The following DOCK1 variants were observed in gnomAD, a reference collection of about 807,000 sequenced individuals.
The protein encoded by DOCK1 is dedicator of cytokinesis 1, also known as dedicator of cytokinesis protein 1.
In DOCK1, 138 loss-of-function variants were observed where a neutral mutation model predicts 262.7. That is an observed-to-expected ratio of 0.53 (90% CI 0.46 to 0.61). DOCK1 has a LOEUF of 0.61. Among genes scored for constraint, DOCK1 ranks in the 20% least tolerant of loss-of-function variants. The pLI, the probability that DOCK1 is intolerant of heterozygous loss-of-function variation, is 0.00. For missense variants in DOCK1, 1,908 were observed against 2,370.7 expected, an observed-to-expected ratio of 0.80 and a Z score of 4.05; for synonymous variants, 866 against 867.4, an observed-to-expected ratio of 1.00 and a Z score of 0.03.
At chr10:127,105,073 G>T (rs1406345629) in intron 23 of DOCK1, among the ~76,000 whole-genome samples, 3 of 152,164 alleles carry the variant, frequency 2.0e-5, no homozygotes, top group African/African-American at 7.2e-5. Flanking sequence ...TCTCATGATG[G>T]TGAATAAGCC....
intron 27 of DOCK1, among the ~76,000 whole-genome samples, chr10:127,225,006 G>A (rs1029515648): frequency 1.3e-5 from 2 of 152,208 alleles, no homozygotes; most frequent in Non-Finnish European, 2.9e-5. Flanking sequence ...TGTTGGGTAA[G>A]TTGCTACCCA....
At chr10:127,071,349 A>G (rs1378713677) in intron 23 of DOCK1, among the ~76,000 whole-genome samples, 1 of 152,174 alleles carries the variant, frequency 6.6e-6, no homozygotes, top group East Asian at 1.9e-4. Flanking sequence ...CTGGATAAAT[A>G]CACTTGTTTC....
At chr10:127,036,981 G>GAAAAAAAAAAAA (rs11429952) in intron 18 of DOCK1, among the ~76,000 whole-genome samples, 3 of 128,036 alleles carry the variant, frequency 2.3e-5, no homozygotes, top group African/African-American at 5.7e-5. Context: ...CCATCTCAAG[G>GAAAAAAAAAAAA]AAAAAAAAAA....
chr10:127,006,448 A>C (rs2041028939), intron 10 of DOCK1, among the ~76,000 whole-genome samples: 1 of 152,108 alleles, frequency 6.6e-6, no homozygotes, highest in Non-Finnish European at 1.5e-5. Flanking sequence ...TCTTCCCTGA[A>C]TGTAGAGACC....
intron 23 of DOCK1, among the ~76,000 whole-genome samples, chr10:127,076,165 A>C (rs747625484): frequency 3.3e-5 from 5 of 152,196 alleles, no homozygotes; most frequent in Non-Finnish European, 5.9e-5. Context: ...CCTGACAGCA[A>C]GTGACACCAA....
chr10:126,960,320 G>C (rs891756975), intron 1 of DOCK1, among the ~76,000 whole-genome samples: 4 of 151,948 alleles, frequency 2.6e-5, no homozygotes, highest in Non-Finnish European at 5.9e-5. Flanking sequence ...TATTGTAGTG[G>C]GGGCATGGCA....
At chr10:127,292,603 G>T (rs111541555) in intron 29 of DOCK1, among the ~76,000 whole-genome samples, 3,867 of 152,224 alleles carry the variant, frequency 0.025, 156 homozygotes, top group African/African-American at 0.085. Context: ...CAAATTGCAG[G>T]TGTGATCATT....
rs569381268 is a variant in DOCK1 at position 127,089,444 on chromosome 10, T to C, written c.2446-16787T>C. Among the ~76,000 whole-genome samples the C allele has an allele frequency of 7.9e-5, 12 of 152,260 alleles. 1 individual carries two copies. The South Asian group carries it at 2.5e-3, about 32-fold the overall frequency. Reference sequence around the variant, plus strand: ...CTTGGCTTCTCCTGTGCACCCACTTTGTTTCCTTCCATTCTGCTGTTCACT... The same window carrying C: ...CTTGGCTTCTCCTGTGCACCCACTTCGTTTCCTTCCATTCTGCTGTTCACT... On this transcript the variant is annotated intron_variant, in intron 23 of 51. Transcript: ENST00000623213.
rs550548008 is a variant in DOCK1, at chr10:127,261,169, G to A, written c.3044+3740G>A. Reference sequence around the variant, plus strand: ...TGTGTACCCGTGCTCATCTGTGTGTGTCCCTGCATGTGTGTGCATGCGGGT... The same window carrying A: ...TGTGTACCCGTGCTCATCTGTGTGTATCCCTGCATGTGTGTGCATGCGGGT... On this transcript the variant is annotated intron_variant, in intron 29 of 51. Transcript: ENST00000623213. 1.2e-3 allele frequency among the ~76,000 whole-genome samples: 170 copies of A among 145,108 alleles called. 4 individuals are homozygous for A. The highest frequency in any genetic ancestry group is 4.1e-3 in the African/African-American group (154 of 37,632).
intron 29 of DOCK1, among the ~76,000 whole-genome samples, chr10:127,337,100 G>A (rs1042626755): frequency 6.6e-6 from 1 of 151,982 alleles, no homozygotes; most frequent in African/African-American, 2.4e-5. Context: ...AAAATTAAGG[G>A]GAAAAAAAAT....
intron 27 of DOCK1, among the ~76,000 whole-genome samples, chr10:127,156,624 A>G (rs1448689549): frequency 1.6e-5 from 2 of 123,052 alleles, no homozygotes; most frequent in African/African-American, 3.1e-5. Flanking sequence ...CTGGAGTGCA[A>G]TGGGCACAAT....
At chr10:127,421,470 A>G (rs556120746) in intron 46 of DOCK1, among the ~76,000 whole-genome samples, 11 of 152,238 alleles carry the variant, frequency 7.2e-5, no homozygotes, top group Non-Finnish European at 1.2e-4. Flanking sequence ...TAAAATATAC[A>G]TAACATAAAA....
chr10:127,376,494 A>G (rs1160758992), intron 35 of DOCK1, among the ~76,000 whole-genome samples: 1 of 152,228 alleles, frequency 6.6e-6, no homozygotes, highest in Non-Finnish European at 1.5e-5. Context: ...GCCCCAGGTC[A>G]GTTGGTCTGA....
chr10:127,345,007 AT>A (rs2063570598), intron 31 of DOCK1, among the ~76,000 whole-genome samples: 1 of 152,212 alleles, frequency 6.6e-6, no homozygotes, highest in Non-Finnish European at 1.5e-5. Flanking sequence ...TGTGGTATTT[AT>A]TGTAGTCACA....
chr10:127,305,219 A>C (rs542001993), intron 29 of DOCK1, among the ~76,000 whole-genome samples: 2 of 151,944 alleles, frequency 1.3e-5, no homozygotes, highest in South Asian at 4.2e-4. Context: ...TCATTTTCTC[A>C]TGTCACATTT....
rs899170324 is a variant in DOCK1, at chr10:127,452,443, A to G, written c.*1016A>G. On this transcript the variant is annotated 3_prime_UTR_variant, in exon 52 of 52. Coordinates refer to ENST00000623213, the MANE Select transcript of DOCK1 (RefSeq NM_001290223.2). ...TCTCATCTATATTTTTTTATTCACTATAATCATGATACTCTTCTAATAGAC... is the reference window on the plus strand; with the variant it reads ...TCTCATCTATATTTTTTTATTCACTGTAATCATGATACTCTTCTAATAGAC... 3 of 152,602 alleles carry G rather than the reference A, an allele frequency of 2.0e-5. No homozygotes were observed. Among genetic ancestry groups the G allele is most frequent in the East Asian group, 1.9e-4 (1 of 5,204 alleles). The allele number at this position is 152,602 out of a possible 1,614,324, so 9.5% of individuals were successfully genotyped here.
intron 46 of DOCK1, among the ~76,000 whole-genome samples, chr10:127,422,768 T>G (rs2068592086): frequency 6.6e-6 from 1 of 152,220 alleles, no homozygotes; most frequent in Non-Finnish European, 1.5e-5. Flanking sequence ...TGTAGATTTT[T>G]TACTAAAGGG....
chr10:127,319,926 A>G (rs2062444940), intron 29 of DOCK1, among the ~76,000 whole-genome samples: 1 of 152,170 alleles, frequency 6.6e-6, no homozygotes. Flanking sequence ...GCCTTTGTCC[A>G]GTGGTCCACT....
chr10:127,419,508 C>T (rs1313381165), intron 45 of DOCK1, among the ~76,000 whole-genome samples, 158 bp from the exon 46 acceptor site: 1 of 152,218 alleles, frequency 6.6e-6, no homozygotes, highest in Non-Finnish European at 1.5e-5. Context: ...GACATTTTGT[C>T]CTGGGTGCTG....
Sources: gnomAD v4.1 joint callset for allele counts (sites outside exome capture counted in the v4.1 genomes callset) on GRCh38, gnomAD v4.1.1 for gene constraint, MANE v1.5 for transcripts, NCBI Gene and HGNC (gene_info 2026-07-23, HGNC 2026-07-21) for gene names.